The following CPPED1 variants were observed in gnomAD, a reference collection of about 807,000 sequenced individuals.
CPPED1 encodes the protein serine/threonine-protein phosphatase CPPED1.
A neutral mutation model predicts 28.0 loss-of-function variants in CPPED1; 28 were observed. The observed-to-expected ratio is 1.00, with a 90% confidence interval of 0.74 to 1.37. CPPED1 has a LOEUF of 1.37. Ranked by LOEUF, CPPED1 falls within the 40% of genes most tolerant of loss-of-function variation. CPPED1 has a pLI of 0.00. For missense variants in CPPED1, 504 were observed against 416.5 expected (o/e 1.21, Z -1.83); for synonymous variants, 198 against 180.2 (o/e 1.10, Z -0.79).
At position 12,716,277 on chromosome 16, in the gene CPPED1, TAC is replaced by T. The variant is rs558657394; in HGVS notation, c.290-11230_290-11229del. On this transcript the variant is annotated intron_variant, in intron 2 of 3. Transcript: ENST00000381774. ...AACGCTGGTGCTGCTATAAGGTATG[TAC>T]ACACTTAATCATAGAATATTCCATT... 5.3e-5 allele frequency among the ~76,000 whole-genome samples: 8 copies of T among 152,354 alleles called. No individual in the cohort carries two copies. In the East Asian group the frequency reaches 1.5e-3, roughly 29 times the overall value.
chr16:12,677,288 C>T (rs1200529783), intron 3 of CPPED1, among the ~76,000 whole-genome samples: 3 of 152,160 alleles, frequency 2.0e-5, no homozygotes, highest in East Asian at 1.9e-4. Flanking sequence ...CGGGGAAAGG[C>T]GGGGCCAGAG....
intron 1 of CPPED1, among the ~76,000 whole-genome samples, chr16:12,796,080 C>T (rs868599059): frequency 5.4e-5 from 8 of 146,888 alleles, no homozygotes; most frequent in Middle Eastern, 3.5e-3. Context: ...AAGACTTTGT[C>T]TTAAAAAAAA....
chr16:12,669,300 T>C (rs1269914110), intron 3 of CPPED1, among the ~76,000 whole-genome samples: 1 of 152,108 alleles, frequency 6.6e-6, no homozygotes, highest in Admixed American at 6.6e-5. Flanking sequence ...AGAAAGTAGA[T>C]CAGTGGTTGC....
At chr16:12,725,907 A>G (rs1215461071) in intron 2 of CPPED1, among the ~76,000 whole-genome samples, 1 of 152,224 alleles carries the variant, frequency 6.6e-6, no homozygotes, top group African/African-American at 2.4e-5. Context: ...TAAAGCAGCA[A>G]TAGGTCAGCT....
In CPPED1 at chr16:12,755,438, T is replaced by C. The variant is rs192886994; in HGVS notation, c.289+25747A>G. On this transcript the variant is annotated intron_variant, in intron 2 of 3. Coordinates refer to ENST00000381774, the MANE Select transcript of CPPED1 (RefSeq NM_018340.3). ...CTGGGACTACAGGTGCATGCCACCATGCCTGGCTAATTTTTGTATTTTTTG... is the reference window on the plus strand; with the variant it reads ...CTGGGACTACAGGTGCATGCCACCACGCCTGGCTAATTTTTGTATTTTTTG... 1.6e-3 allele frequency among the ~76,000 whole-genome samples: 247 copies of C among 151,884 alleles called. 1 individual carries two copies. Among genetic ancestry groups the C allele is most frequent in the African/African-American group, 5.6e-3 (230 of 41,432 alleles).
chr16:12,765,792 C>T (rs1272303405), intron 2 of CPPED1, among the ~76,000 whole-genome samples: 5 of 152,122 alleles, frequency 3.3e-5, no homozygotes. Flanking sequence ...TCTGGGTTCG[C>T]GAAATATATG....
chr16:12,787,520 T>C (rs755777822), intron 1 of CPPED1, among the ~76,000 whole-genome samples: 1 of 151,588 alleles, frequency 6.6e-6, no homozygotes, highest in Non-Finnish European at 1.5e-5. Context: ...TTCTCCCACC[T>C]TAGCCTCCTG....
chr16:12,766,636 G>A (rs574922924), intron 2 of CPPED1, among the ~76,000 whole-genome samples: 184 of 152,254 alleles, frequency 1.2e-3, no homozygotes, highest in African/African-American at 4.3e-3. Flanking sequence ...AGGTGTGGTG[G>A]CGGGCACCTG....
chr16:12,738,695 A>T (rs2080239187), intron 2 of CPPED1, among the ~76,000 whole-genome samples: 1 of 152,210 alleles, frequency 6.6e-6, no homozygotes, highest in Admixed American at 6.5e-5. Flanking sequence ...ATGGGTATGG[A>T]CTAACCTCTG....
intron 1 of CPPED1, among the ~76,000 whole-genome samples, chr16:12,786,588 A>G (rs1244331866): frequency 2.6e-5 from 4 of 152,164 alleles, no homozygotes; most frequent in Admixed American, 1.3e-4. Context: ...ATCACCCTTT[A>G]CATTGCCTTG....
intron 3 of CPPED1, among the ~76,000 whole-genome samples, chr16:12,679,719 T>A (rs922262800): frequency 6.6e-6 from 1 of 152,184 alleles, no homozygotes; most frequent in Non-Finnish European, 1.5e-5. Flanking sequence ...TTTCTGATGT[T>A]GGGGCTCAGA....
chr16:12,803,866 T>A lies in CPPED1; in HGVS notation c.-90A>T. 3 of 1,274,226 alleles carry A rather than the reference T, an allele frequency of 2.4e-6. No homozygotes were observed. The African/African-American group carries it at 4.6e-5, about 20-fold the overall frequency. 78.9% of individuals were successfully genotyped at this position (1,274,226 alleles called of 1,614,324 possible). On this transcript the variant is annotated 5_prime_UTR_variant, in exon 1 of 4. Transcript: ENST00000381774. ...GAACAACCGCTGGACCTGTCCCGCTTTGGGCGACGCCCTTTGATCTCGGGG... is the reference window on the plus strand; with the variant it reads ...GAACAACCGCTGGACCTGTCCCGCTATGGGCGACGCCCTTTGATCTCGGGG...
chr16:12,726,399 G>C (rs2080170335), intron 2 of CPPED1, among the ~76,000 whole-genome samples: 1 of 146,594 alleles, frequency 6.8e-6, no homozygotes, highest in Admixed American at 6.9e-5. Flanking sequence ...CTGGAGTGCA[G>C]TGGGGTGATC....
rs115471354 is a variant in CPPED1, at chr16:12,739,178, C to T, written c.290-34129G>A. Among the ~76,000 whole-genome samples the T allele has an allele frequency of 5.1e-3, 770 of 152,244 alleles. 12 individuals are homozygous for T. The highest frequency in any genetic ancestry group is 0.017 in the African/African-American group (720 of 41,550). On this transcript the variant is annotated intron_variant, in intron 2 of 3. Transcript: ENST00000381774. ...ATGGTCATGAGAATAAGAAAGTGTG[C>T]ATGTAGAATAAGTAGTAGAGAGACT...
chr16:12,758,185 C>A (rs1393630620), intron 2 of CPPED1, among the ~76,000 whole-genome samples: 2 of 152,128 alleles, frequency 1.3e-5, no homozygotes, highest in African/African-American at 2.4e-5. Context: ...ATTACTGCCA[C>A]CCCCAGTGTG....
chr16:12,770,879 G>GAAAGAAAAGA (rs1467445374), intron 2 of CPPED1, among the ~76,000 whole-genome samples: 4 of 123,848 alleles, frequency 3.2e-5, no homozygotes, highest in Non-Finnish European at 6.6e-5. Context: ...GAAAGGAAAG[G>GAAAGAAAAGA]AAAGGAAGGG....
intron 2 of CPPED1, among the ~76,000 whole-genome samples, chr16:12,728,898 A>G (rs1239717583): frequency 6.6e-6 from 1 of 152,192 alleles, no homozygotes; most frequent in African/African-American, 2.4e-5. Flanking sequence ...AAAGAATTGA[A>G]GCAGAGGACA....
intron 3 of CPPED1, among the ~76,000 whole-genome samples, chr16:12,683,244 A>G (rs8051725): frequency 0.34 from 51,177 of 152,032 alleles, 12,434 homozygotes; most frequent in African/African-American, 0.69. Context: ...TAAAGAACAC[A>G]CATTAACTAA....
In CPPED1 at chr16:12,666,514, CAT is replaced by C. The variant is rs762378916; in HGVS notation, c.716-1401_716-1400del. On this transcript the variant is annotated intron_variant, in intron 3 of 3. Coordinates refer to ENST00000381774, the MANE Select transcript of CPPED1 (RefSeq NM_018340.3). ...AAGTGGTAGGCTGGTAAATGTTTCA[CAT>C]GTTATTATTTTTTTTAAAGACCTGA... is the stretch of plus-strand genomic sequence containing the variant. 9.9e-5 allele frequency among the ~76,000 whole-genome samples: 15 copies of C among 152,274 alleles called. 1 individual carries two copies. The East Asian group carries it at 2.3e-3, about 23-fold the overall frequency.
Sources: gnomAD v4.1 joint callset for allele counts (sites outside exome capture counted in the v4.1 genomes callset) on GRCh38, gnomAD v4.1.1 for gene constraint, MANE v1.5 for transcripts, NCBI Gene and HGNC (gene_info 2026-07-23, HGNC 2026-07-21) for gene names.